The following CSMD1 variants were observed in gnomAD, a reference collection of about 807,000 sequenced individuals.
CSMD1 encodes the protein CUB and sushi domain-containing protein 1.
CSMD1 carries 213 observed loss-of-function variants against 417.5 expected under a neutral mutation model. The ratio of observed to expected loss-of-function variants is 0.51; its 90% CI spans 0.46 to 0.57. CSMD1 has a LOEUF of 0.57. CSMD1 is among the 20% of genes least tolerant of loss of function. CSMD1 has a pLI of 0.00. For synonymous variants in CSMD1, 2,862 were observed against 1,736.8 expected (o/e 1.65, Z -16.11); for missense variants, 6,923 against 4,529.7 (o/e 1.53, Z -15.17).
In CSMD1 at chr8:3,408,123, G is replaced by A; in HGVS notation, c.1847C>T (p.Ser616Leu). The stretch of plus-strand genomic sequence containing the variant: ...TAGGTGAATTCGACTTCCTGGCTCC[G>A]AGATAATCAACCAGACACAGTTCAT... ...NNMNCVWLII[S>L]EPGSRIHLIF... Residue 616 changes from serine (S) to leucine (L), a missense_variant, in exon 14 of 70, where the codon TCG becomes TTG. Coordinates refer to ENST00000635120, the MANE Select transcript of CSMD1 (RefSeq NM_033225.6). The A allele has an allele frequency of 6.2e-7, 1 of 1,613,628 alleles. No homozygotes were observed. The highest frequency in any genetic ancestry group is 8.5e-7 in the Non-Finnish European group (1 of 1,179,716).
intron 6 of CSMD1, among the ~76,000 whole-genome samples, chr8:3,749,074 G>A (rs1024140412): frequency 6.6e-6 from 1 of 152,186 alleles, no homozygotes; most frequent in Admixed American, 6.5e-5. Flanking sequence ...CTATTTAGTA[G>A]TGAGGGGGCC....
intron 1 of CSMD1, among the ~76,000 whole-genome samples, chr8:4,949,866 A>T (rs949965894): frequency 2.0e-5 from 3 of 152,328 alleles, no homozygotes; most frequent in Admixed American, 6.5e-5. Flanking sequence ...AGGTTAGTTC[A>T]AAAGTAATTG....
intron 10 of CSMD1, among the ~76,000 whole-genome samples, chr8:3,572,609 GT>G (rs1799990270): frequency 6.6e-6 from 1 of 152,116 alleles, no homozygotes; most frequent in East Asian, 1.9e-4. Context: ...TTTTAGCTAT[GT>G]TTTCTTTAAA....
At chr8:4,799,173 A>C (rs7008223) in intron 1 of CSMD1, among the ~76,000 whole-genome samples, 54,777 of 152,114 alleles carry the variant, frequency 0.36, 10,496 homozygotes, top group East Asian at 0.45. Flanking sequence ...AAGTCACTAC[A>C]TGACAGGCAC....
intron 1 of CSMD1, among the ~76,000 whole-genome samples, chr8:4,792,331 C>T (rs780398668): frequency 2.0e-5 from 3 of 152,132 alleles, no homozygotes; most frequent in Non-Finnish European, 1.5e-5. Context: ...TTAAAGTAGT[C>T]CAGTAGCAAG....
intron 3 of CSMD1, among the ~76,000 whole-genome samples, chr8:4,296,170 G>A (rs949290435): frequency 2.0e-5 from 3 of 152,064 alleles, no homozygotes; most frequent in African/African-American, 7.2e-5. Flanking sequence ...TATGCTCAGG[G>A]TCTCCCTCCT....
chr8:4,916,909 G>T (rs1585322603), intron 1 of CSMD1, among the ~76,000 whole-genome samples: 1 of 152,206 alleles, frequency 6.6e-6, no homozygotes, highest in South Asian at 2.1e-4. Context: ...ACTGGTGATG[G>T]ATACCAACAT....
At chr8:3,260,170 A>G (rs544775107) in intron 26 of CSMD1, among the ~76,000 whole-genome samples, 1 of 152,260 alleles carries the variant, frequency 6.6e-6, no homozygotes, top group East Asian at 1.9e-4. Context: ...AGTTAAGCAA[A>G]TTGAAAAAGT....
chr8:4,231,154 T>C (rs1281702206), intron 3 of CSMD1, among the ~76,000 whole-genome samples: 2 of 152,176 alleles, frequency 1.3e-5, no homozygotes, highest in Non-Finnish European at 2.9e-5. Context: ...AACAGGATAT[T>C]GATATAGTGA....
intron 3 of CSMD1, among the ~76,000 whole-genome samples, chr8:4,305,025 C>T (rs1274611257): frequency 6.6e-6 from 1 of 152,146 alleles, no homozygotes; most frequent in Non-Finnish European, 1.5e-5. Flanking sequence ...ACACACAGTT[C>T]CCCACGTTAG....
chr8:4,294,749 G>T lies in CSMD1; in HGVS notation c.415+125204C>A, dbSNP rs564659113. 1.2e-4 allele frequency among the ~76,000 whole-genome samples: 18 copies of T among 151,862 alleles called. No individual in the cohort carries two copies. In the East Asian group the frequency reaches 3.5e-3, roughly 29 times the overall value. Reference sequence around the variant, plus strand: ...TATTTTTTTCTTACTGTAATTAGATGACTTTCTAAATTTATTTGTAATAAT... The same window carrying T: ...TATTTTTTTCTTACTGTAATTAGATTACTTTCTAAATTTATTTGTAATAAT... On this transcript the variant is annotated intron_variant, in intron 3 of 69. Transcript: ENST00000635120.
chr8:3,311,027 G>A (rs1408104721), intron 23 of CSMD1, among the ~76,000 whole-genome samples: 1 of 152,148 alleles, frequency 6.6e-6, no homozygotes. Context: ...CTTAACAAAT[G>A]AGGTTACGTC....
At chr8:3,720,051 T>A (rs1371379820) in intron 6 of CSMD1, among the ~76,000 whole-genome samples, 1 of 152,222 alleles carries the variant, frequency 6.6e-6, no homozygotes, top group African/African-American at 2.4e-5. Context: ...TTACACAAAG[T>A]GCATGGAAAA....
At chr8:4,695,087 A>G (rs1205525570) in intron 1 of CSMD1, among the ~76,000 whole-genome samples, 5 of 151,960 alleles carry the variant, frequency 3.3e-5, no homozygotes, top group African/African-American at 1.2e-4. Context: ...AAGCTGGCCA[A>G]CTCATCATCA....
intron 7 of CSMD1, among the ~76,000 whole-genome samples, chr8:3,688,910 TA>T (rs1442666608): frequency 6.6e-6 from 1 of 152,004 alleles, no homozygotes; most frequent in Non-Finnish European, 1.5e-5. Flanking sequence ...GGAGCAAACT[TA>T]AAAAGTTAAA....
chr8:3,083,492 TC>T (rs1295519231), intron 49 of CSMD1, among the ~76,000 whole-genome samples: 10 of 148,842 alleles, frequency 6.7e-5, no homozygotes, highest in Non-Finnish European at 1.5e-4. Context: ...GAGGCAGTCA[TC>T]AAAGGGTCCT....
chr8:4,412,010 G>GTT (rs1479352858), intron 3 of CSMD1, among the ~76,000 whole-genome samples: 2 of 150,662 alleles, frequency 1.3e-5, no homozygotes, highest in Non-Finnish European at 3.0e-5. Flanking sequence ...GTGTGTGTGT[G>GTT]TGTGTGTAGC....
chr8:4,263,728 G>A (rs113664972), intron 3 of CSMD1, among the ~76,000 whole-genome samples: 1 of 152,114 alleles, frequency 6.6e-6, no homozygotes, highest in Non-Finnish European at 1.5e-5. Context: ...ATAATAAAAT[G>A]CTGGATTTTT....
chr8:3,387,431 G>C, intron 18 of CSMD1, 63 bp downstream of exon 18: 1 of 1,394,340 alleles, frequency 7.2e-7, no homozygotes, highest in Non-Finnish European at 9.8e-7. Context: ...CACCCAGCTA[G>C]TTAGACGTGT....
Sources: allele counts gnomAD v4.1 joint callset (sites outside exome capture counted in the v4.1 genomes callset), GRCh38; gene constraint gnomAD v4.1.1; transcripts MANE v1.5; gene names NCBI Gene and HGNC (gene_info 2026-07-23, HGNC 2026-07-21).